Variants in CASK observed in about 807,000 individuals in gnomAD.
The protein encoded by CASK is calcium/calmodulin dependent serine protein kinase, also known as peripheral plasma membrane protein CASK.
A neutral mutation model predicts 82.9 loss-of-function variants in CASK; 4 were observed. The observed-to-expected ratio is 0.05, with a 90% CI of 0.02 to 0.11. The LOEUF (loss-of-function observed/expected upper bound fraction) is 0.11. Ranked by LOEUF, CASK falls within the 10% of genes least tolerant of loss-of-function variation. CASK has a pLI of 1.00. For synonymous variants in CASK, 259 were observed against 253.5 expected, an observed-to-expected ratio of 1.02 and a Z score of -0.20; for missense variants, 358 against 720.9, an observed-to-expected ratio of 0.50 and a Z score of 5.76.
intron 8 of CASK, chrX:41,660,153 A>AT (rs1161771321): frequency 7.7e-5 from 31 of 402,623 alleles, no homozygotes; most frequent in East Asian, 1.2e-4. Flanking sequence ...TTGATGTTGC[A>AT]TATCTTTGGA....
chrX:41,696,991 T>C (rs1420934576), intron 5 of CASK: 1 of 314,227 alleles, frequency 3.2e-6, no homozygotes, highest in Non-Finnish European at 5.7e-6. Context: ...TTTAAGCTAA[T>C]ACTCTTAACA....
chrX:41,869,604 G>A (rs1179697368), intron 1 of CASK, among the ~76,000 whole-genome samples: 1 of 109,319 alleles, frequency 9.1e-6, no homozygotes, highest in Non-Finnish European at 1.9e-5. Context: ...CTTGAAGTCA[G>A]GAGTTCGAGA....
chrX:41,578,755 AT>A (rs1460351825), intron 14 of CASK, among the ~76,000 whole-genome samples: 1 of 110,758 alleles, frequency 9.0e-6, no homozygotes, highest in African/African-American at 3.3e-5. Flanking sequence ...CACCTGGCTA[AT>A]TTTTAAATGT....
intron 1 of CASK, among the ~76,000 whole-genome samples, chrX:41,872,700 T>G (rs1385097905): frequency 9.0e-6 from 1 of 111,511 alleles, no homozygotes; most frequent in Non-Finnish European, 1.9e-5. Context: ...TACATCAGCA[T>G]TAACTCAAGT....
intron 1 of CASK, among the ~76,000 whole-genome samples, chrX:41,903,895 C>A (rs762895850): frequency 8.9e-6 from 1 of 111,997 alleles, no homozygotes; most frequent in Non-Finnish European, 1.9e-5. Flanking sequence ...ATAATTCATA[C>A]CATAAAATTC....
intron 5 of CASK, chrX:41,676,250 T>A: frequency 8.4e-7 from 1 of 1,191,902 alleles, no homozygotes; most frequent in Non-Finnish European, 1.1e-6. Flanking sequence ...TTTCTCTCTG[T>A]ATTCTCGAGC....
intron 1 of CASK, among the ~76,000 whole-genome samples, chrX:41,878,414 C>T (rs1195339): frequency 6.3e-5 from 7 of 110,300 alleles, no homozygotes; most frequent in Admixed American, 4.8e-4. Context: ...TTTTTGTATA[C>T]GGTTGCAATG....
chrX:41,894,597 T>TAAAAA (rs1209248352), intron 1 of CASK, among the ~76,000 whole-genome samples: 4 of 40,483 alleles, frequency 9.9e-5, no homozygotes, highest in Admixed American at 3.2e-4. Context: ...ACCCAAATAT[T>TAAAAA]AAAAAAAAAA....
chrX:41,597,490 CAG>C (rs2065837162), intron 12 of CASK, among the ~76,000 whole-genome samples: 1 of 112,428 alleles, frequency 8.9e-6, no homozygotes, highest in Non-Finnish European at 1.9e-5. Flanking sequence ...CAGATAATAA[CAG>C]TGTGCACGGA....
At chrX:41,546,396 C>T (rs748612893) in intron 21 of CASK, among the ~76,000 whole-genome samples, 1 of 112,162 alleles carries the variant, frequency 8.9e-6, no homozygotes, top group Admixed American at 9.5e-5. Flanking sequence ...AGGCATGAGC[C>T]ACTGTACCCG....
intron 21 of CASK, among the ~76,000 whole-genome samples, chrX:41,551,879 CAA>C (rs1192377020): frequency 5.1e-4 from 12 of 23,341 alleles, no homozygotes; most frequent in African/African-American, 1.5e-3. Context: ...GACTCCGTCT[CAA>C]AAAAAAAAAA....
At chrX:41,735,008 T>C (rs2068473583) in intron 5 of CASK, among the ~76,000 whole-genome samples, 1 of 110,707 alleles carries the variant, frequency 9.0e-6, no homozygotes, top group Non-Finnish European at 1.9e-5. Flanking sequence ...TCAGTTACAA[T>C]GATTACAAAA....
chrX:41,755,408 G>T (rs1258062062), intron 3 of CASK, among the ~76,000 whole-genome samples: 2 of 111,754 alleles, frequency 1.8e-5, no homozygotes, highest in Non-Finnish European at 3.8e-5. Flanking sequence ...GGTCCAAATT[G>T]AGTTTACCCG....
At chrX:41,911,649 G>T (rs1430377543) in intron 1 of CASK, among the ~76,000 whole-genome samples, 1 of 111,628 alleles carries the variant, frequency 9.0e-6, no homozygotes, top group African/African-American at 3.3e-5. Context: ...TATATATTCT[G>T]GGATTTTCCT....
At chrX:41,885,803 C>A (rs1372068187) in intron 1 of CASK, among the ~76,000 whole-genome samples, 3 of 111,584 alleles carry the variant, frequency 2.7e-5, no homozygotes, top group Non-Finnish European at 3.8e-5. Flanking sequence ...CAGGGTTATA[C>A]CCTAATGGTC....
intron 15 of CASK, among the ~76,000 whole-genome samples, chrX:41,578,028 T>C (rs747601878): frequency 1.1e-4 from 12 of 112,134 alleles, no homozygotes; most frequent in Middle Eastern, 9.2e-3. Flanking sequence ...ATATTTCAAA[T>C]TGTCCCTTTC....
intron 5 of CASK, among the ~76,000 whole-genome samples, chrX:41,720,337 T>C (rs752976966): frequency 1.8e-5 from 2 of 112,361 alleles, no homozygotes; most frequent in East Asian, 5.6e-4. Context: ...CACCACTTCC[T>C]GGAGAGGGCA....
chrX:41,707,369 A>C (rs1602499152), intron 5 of CASK, among the ~76,000 whole-genome samples: 1 of 112,094 alleles, frequency 8.9e-6, no homozygotes, highest in East Asian at 2.8e-4. Flanking sequence ...CACGTGAGTG[A>C]GGCCATGTTG....
chrX:41,891,109 C>T (rs2072160755), intron 1 of CASK, among the ~76,000 whole-genome samples: 1 of 109,230 alleles, frequency 9.2e-6, no homozygotes, highest in Non-Finnish European at 1.9e-5. Context: ...AAGCTGGTCT[C>T]GAACTCCTGA....
Sources: gnomAD v4.1 joint callset for allele counts (sites outside exome capture counted in the v4.1 genomes callset) on GRCh38, gnomAD v4.1.1 for gene constraint, MANE v1.5 for transcripts, NCBI Gene and HGNC (gene_info 2026-07-23, HGNC 2026-07-21) for gene names.